The following DDX5 variants were observed in gnomAD, a reference collection of about 807,000 sequenced individuals.
DDX5 encodes the protein probable ATP-dependent RNA helicase DDX5.
DDX5 carries 6 observed loss-of-function variants against 68.6 expected under a neutral mutation model. That is an observed-to-expected ratio of 0.09 (90% CI 0.05 to 0.17). The LOEUF is 0.17. DDX5 is among the 10% of genes least tolerant of loss of function. DDX5 has a pLI of 1.00. For synonymous variants in DDX5, 350 were observed against 247.0 expected, an observed-to-expected ratio of 1.42 and a Z score of -3.91; for missense variants, 499 against 756.1, an observed-to-expected ratio of 0.66 and a Z score of 3.99.
At chr17:64,505,695 G>A (rs1392709440) in intron 1 of DDX5, 4 of 1,518,206 alleles carry the variant, frequency 2.6e-6, no homozygotes, top group South Asian at 1.2e-5. Context: ...TGGTCCCCTC[G>A]CTCCCACAGA....
intron 9 of DDX5, 22 bp from the exon 10 acceptor site, chr17:64,502,245 G>C: frequency 6.2e-7 from 1 of 1,613,166 alleles, no homozygotes; most frequent in East Asian, 2.2e-5. Flanking sequence ...GACAAGTTGT[G>C]TTATTAAACT....
chr17:64,504,174 A>G, intron 3 of DDX5, 48 bp downstream of exon 3: 1 of 1,611,710 alleles, frequency 6.2e-7, no homozygotes, highest in East Asian at 2.2e-5. Context: ...AAGAGGGGGT[A>G]GGTGGAAACA....
chr17:64,500,940 G>GA (rs2038282988), intron 11 of DDX5, 167 bp from the exon 12 acceptor site: 2 of 603,642 alleles, frequency 3.3e-6, no homozygotes, highest in Non-Finnish European at 2.9e-6. Context: ...CATTGAGGTT[G>GA]AAAAAAGAAA....
At chr17:64,503,128 T>C (rs1258829235) in intron 7 of DDX5, 30 bp from the exon 8 acceptor site, 1 of 1,611,676 alleles carries the variant, frequency 6.2e-7, no homozygotes, top group East Asian at 2.2e-5. Context: ...AAAATTAGTA[T>C]CAGACTCTTA....
intron 11 of DDX5, 132 bp from the exon 12 acceptor site, chr17:64,500,905 G>A (rs2144251332): frequency 4.6e-6 from 3 of 658,684 alleles, no homozygotes; most frequent in Non-Finnish European, 7.9e-6. Flanking sequence ...CAGTTAAAAT[G>A]GTTATCCATT....
chr17:64,505,570 G>A, intron 1 of DDX5: 1 of 680,948 alleles, frequency 1.5e-6, no homozygotes. Context: ...CCTCCGCCGG[G>A]CGGGGTAACA....
chr17:64,505,530 C>A, intron 1 of DDX5: 1 of 616,690 alleles, frequency 1.6e-6, no homozygotes, highest in Non-Finnish European at 2.9e-6. Context: ...CTCTCTGCGC[C>A]ACATTTTCTC....
At chr17:64,505,792 G>C (rs782388129) in intron 1 of DDX5, 1 of 1,536,080 alleles carries the variant, frequency 6.5e-7, no homozygotes, top group South Asian at 1.2e-5. Flanking sequence ...GCTTTCATCC[G>C]CACAATACGC....
Position 64,505,743 on chromosome 17 carries a change from C to T in DDX5, c.44+333G>A, listed in dbSNP as rs1304263914. ...CCCAAAAACACCTCCCGAAACGCCG[C>T]ACCTAACAGATGTTCCTTCGTCTGC... On this transcript the variant is annotated intron_variant, in intron 1 of 12. Transcript: ENST00000225792. The T allele has an allele frequency of 9.1e-6, 14 of 1,536,024 alleles. No individual in the cohort carries two copies. The African/African-American group carries it at 1.4e-4, about 15-fold the overall frequency.
intron 9 of DDX5, 87 bp from the exon 10 acceptor site, chr17:64,502,310 T>C (rs2038316669): frequency 5.3e-6 from 8 of 1,500,430 alleles, no homozygotes; most frequent in East Asian, 2.3e-5. Flanking sequence ...CAGATCTCTT[T>C]AATTTCGCCA....
rs2038245639 is a variant in DDX5 at position 64,499,618 on chromosome 17, A to C, written c.*305T>G. The stretch of plus-strand genomic sequence containing the variant: ...ATAAAATAAAGTACAATTTCCACTT[A>C]ATTCAGTCTTCAAATATTTTTTATT... On this transcript the variant is annotated 3_prime_UTR_variant, in exon 13 of 13. Transcript: ENST00000225792. 3.5e-6 allele frequency: 1 copy of C among 287,382 alleles called. No homozygotes were observed. The highest frequency in any genetic ancestry group is 2.1e-5 in the African/African-American group (1 of 46,620). 17.8% of individuals were successfully genotyped at this position (287,382 alleles called of 1,614,324 possible).
intron 1 of DDX5, chr17:64,505,867 C>T: frequency 1.3e-6 from 2 of 1,535,996 alleles, no homozygotes; most frequent in Non-Finnish European, 1.7e-6. Context: ...AATCCCCACA[C>T]AAAAAGCAAG....
chr17:64,504,126 G>GT lies in DDX5; in HGVS notation c.308-11dup, dbSNP rs1208267486. The GT allele has an allele frequency of 1.9e-6, 3 of 1,613,832 alleles. No homozygotes were observed. Among genetic ancestry groups the GT allele is most frequent in the African/African-American group, 2.7e-5 (2 of 74,906 alleles). The stretch of plus-strand genomic sequence containing the variant: ...ACATCCATGACATTTGCTATAATTA[G>GT]TAACAGATATTTAGTAAAAATTAGT... On this transcript the variant is annotated splice_polypyrimidine_tract_variant and intron_variant, in intron 3 of 12. Transcript: ENST00000225792.
chr17:64,503,644 G>C, intron 5 of DDX5, 73 bp from the exon 6 acceptor site: 1 of 1,584,522 alleles, frequency 6.3e-7, no homozygotes. Context: ...TATACTAGCA[G>C]ATCCTTTCTT....
In DDX5 at chr17:64,498,731, CA is replaced by C. The variant is rs2038218428; in HGVS notation, c.*1191del. Among the ~76,000 whole-genome samples, 1 of 152,106 alleles carries C rather than the reference CA, an allele frequency of 6.6e-6. No homozygotes were observed. The highest frequency in any genetic ancestry group is 2.4e-5 in the African/African-American group (1 of 41,406). ...AAACACGTATCAGACTCTGGGAAAA[CA>C]TTCAGACCCACTTCTAGCTATTACT... On this transcript the variant is annotated 3_prime_UTR_variant, in exon 13 of 13. Transcript: ENST00000225792.
In DDX5 at chr17:64,504,329, AATT is replaced by A; in HGVS notation, c.211-14_211-12del. Reference sequence around the variant, plus strand: ...TGTTTCCACCTCTTGCTGCAAAACAAATTATAACAGTCTTAAAATTCATGACAA... The same window carrying A: ...TGTTTCCACCTCTTGCTGCAAAACAAATAACAGTCTTAAAATTCATGACAA... On this transcript the variant is annotated splice_polypyrimidine_tract_variant and intron_variant, in intron 2 of 12. Coordinates refer to ENST00000225792, the MANE Select transcript of DDX5 (RefSeq NM_004396.5). 2 of 1,609,046 alleles carry A rather than the reference AATT, an allele frequency of 1.2e-6. No homozygotes were observed. Among genetic ancestry groups the A allele is most frequent in the Non-Finnish European group, 1.7e-6 (2 of 1,175,822 alleles).
At chr17:64,501,095 G>A in intron 11 of DDX5, 1 of 336,482 alleles carries the variant, frequency 3.0e-6, no homozygotes, top group South Asian at 4.3e-5. Flanking sequence ...TGCGCAGTAG[G>A]GCCACTTAAA....
At chr17:64,506,295 C>G (rs1377518189), upstream of DDX5, 25 of 1,521,044 alleles carry the variant, frequency 1.6e-5, no homozygotes, top group Middle Eastern at 1.9e-4. Context: ...GAGGTGCCGG[C>G]CGCTTTCCGG....
chr17:64,504,171 G>T, intron 3 of DDX5, 51 bp downstream of exon 3: 3 of 1,611,610 alleles, frequency 1.9e-6, no homozygotes, highest in South Asian at 2.2e-5. Flanking sequence ...AAAAAGAGGG[G>T]GTAGGTGGAA....
Sources: allele counts gnomAD v4.1 joint callset (sites outside exome capture counted in the v4.1 genomes callset), GRCh38; gene constraint gnomAD v4.1.1; transcripts MANE v1.5; gene names NCBI Gene and HGNC (gene_info 2026-07-23, HGNC 2026-07-21).